The following CNTN1 variants were observed in gnomAD, a reference collection of about 807,000 sequenced individuals.
CNTN1 encodes contactin-1.
A neutral mutation model predicts 126.4 loss-of-function variants in CNTN1; 38 were observed. The ratio of observed to expected loss-of-function variants is 0.30; its 90% CI spans 0.23 to 0.39. The LOEUF is 0.39. Ranked by LOEUF, CNTN1 falls within the 10% of genes least tolerant of loss-of-function variation. CNTN1 has a pLI of 1.00. For synonymous variants in CNTN1, 413 were observed against 422.6 expected (o/e 0.98, Z 0.28); for missense variants, 1,009 against 1,248.4 (o/e 0.81, Z 2.89).
rs1555179744 is a variant in CNTN1 at position 40,917,063 on chromosome 12, G to GGTT, written c.95-1575_95-1574insTTG. On this transcript the variant is annotated intron_variant, in intron 3 of 23. Transcript: ENST00000551295. Reference sequence around the variant, plus strand: ...ATTCTTCATACCAGTGGTGGGGGCGGGGGGGGGGGCAGAACTAACTTGAGG... The same window carrying GGTT: ...ATTCTTCATACCAGTGGTGGGGGCGGGTTGGGGGGGGGCAGAACTAACTTGAGG... 3.2e-3 allele frequency among the ~76,000 whole-genome samples: 209 copies of GGTT among 65,576 alleles called. 1 individual carries two copies. The highest frequency in any genetic ancestry group is 7.5e-3 in the African/African-American group (201 of 26,844). The allele number at this position is 65,576 out of a possible 152,430, so 43.0% of individuals were successfully genotyped here.
chr12:40,905,387 C>G (rs7139018), intron 1 of CNTN1, among the ~76,000 whole-genome samples: 26,885 of 152,096 alleles, frequency 0.18, 3,951 homozygotes, highest in African/African-American at 0.41. Context: ...ACAGAAATTG[C>G]TCTTAATTCT....
At chr12:40,794,037 G>C (rs529957863) in intron 1 of CNTN1, among the ~76,000 whole-genome samples, 1 of 152,010 alleles carries the variant, frequency 6.6e-6, no homozygotes, top group South Asian at 2.1e-4. Flanking sequence ...ACAATTCAAG[G>C]TTTTACCCAG....
At chr12:41,020,306 C>T (rs2120778452) in intron 19 of CNTN1, 31 bp from the exon 20 acceptor site, 1 of 1,354,952 alleles carries the variant, frequency 7.4e-7, no homozygotes, top group Non-Finnish European at 1.1e-6. Flanking sequence ...AAATATCTCA[C>T]TAATAATATA....
chr12:40,939,822 G>A (rs887534693), intron 12 of CNTN1, among the ~76,000 whole-genome samples: 13 of 152,082 alleles, frequency 8.5e-5, no homozygotes, highest in African/African-American at 3.1e-4. Context: ...TTTTTCCCCA[G>A]TATAGGCATC....
At chr12:40,859,773 A>G (rs1388332137) in intron 1 of CNTN1, among the ~76,000 whole-genome samples, 1 of 152,128 alleles carries the variant, frequency 6.6e-6, no homozygotes, top group East Asian at 1.9e-4. Context: ...GATTATCTAT[A>G]TCCTGTCACT....
chr12:40,890,600 C>T (rs928729228), intron 1 of CNTN1, among the ~76,000 whole-genome samples: 2 of 152,016 alleles, frequency 1.3e-5, no homozygotes, highest in African/African-American at 2.4e-5. Context: ...TGAAATCATA[C>T]AGTATATAGT....
intron 5 of CNTN1, 107 bp downstream of exon 5, chr12:40,922,535 A>G: frequency 2.0e-6 from 2 of 994,688 alleles, no homozygotes; most frequent in Admixed American, 1.9e-5. Context: ...GATGAGGTGG[A>G]TCTTACAAGA....
intron 19 of CNTN1, among the ~76,000 whole-genome samples, chr12:41,017,712 C>T (rs1948812556): frequency 6.6e-6 from 1 of 152,118 alleles, no homozygotes; most frequent in Non-Finnish European, 1.5e-5. Context: ...AAATGATACA[C>T]AGTTTTAGAT....
chr12:40,929,528 G>A (rs1199751981), intron 6 of CNTN1, among the ~76,000 whole-genome samples: 2 of 151,836 alleles, frequency 1.3e-5, no homozygotes, highest in Non-Finnish European at 2.9e-5. Flanking sequence ...GTTTCACTTA[G>A]CCCATCAATG....
chr12:40,896,570 A>G (rs1485291992), intron 1 of CNTN1, among the ~76,000 whole-genome samples: 2 of 152,186 alleles, frequency 1.3e-5, no homozygotes, highest in Non-Finnish European at 2.9e-5. Flanking sequence ...TTCCTAGGAC[A>G]GTTTTATAGT....
intron 1 of CNTN1, among the ~76,000 whole-genome samples, chr12:40,696,439 T>C (rs1200904053): frequency 3.3e-5 from 5 of 152,280 alleles, no homozygotes; most frequent in Non-Finnish European, 7.3e-5. Flanking sequence ...ATGAGTCCAG[T>C]AGGCAAGTTA....
chr12:41,061,148 C>A (rs1432428408), intron 23 of CNTN1, among the ~76,000 whole-genome samples: 1 of 152,144 alleles, frequency 6.6e-6, no homozygotes, highest in Non-Finnish European at 1.5e-5. Flanking sequence ...AGTAGGTAAG[C>A]CAGTTTTAAA....
chr12:40,760,784 A>G (rs1938829613), intron 1 of CNTN1, among the ~76,000 whole-genome samples: 1 of 152,030 alleles, frequency 6.6e-6, no homozygotes, highest in Admixed American at 6.6e-5. Flanking sequence ...ATAGGTGACA[A>G]CTTCAAAAAA....
intron 15 of CNTN1, among the ~76,000 whole-genome samples, chr12:40,970,477 C>T (rs1361182669): frequency 6.6e-6 from 1 of 151,934 alleles, no homozygotes; most frequent in African/African-American, 2.4e-5. Flanking sequence ...GGCAAGTTTT[C>T]CTAGTTTCCG....
intron 17 of CNTN1, among the ~76,000 whole-genome samples, chr12:41,006,210 C>A (rs1184801559): frequency 6.6e-6 from 1 of 152,184 alleles, no homozygotes; most frequent in Non-Finnish European, 1.5e-5. Flanking sequence ...TCCTGGACTG[C>A]ATGCTATAAC....
intron 17 of CNTN1, among the ~76,000 whole-genome samples, chr12:40,997,439 A>G (rs1948246276): frequency 7.0e-6 from 1 of 142,122 alleles, no homozygotes; most frequent in Non-Finnish European, 1.6e-5. Flanking sequence ...TTCATTTAGT[A>G]TTCTTTCTCA....
intron 14 of CNTN1, among the ~76,000 whole-genome samples, chr12:40,950,548 A>G (rs1946636455): frequency 6.6e-6 from 1 of 152,166 alleles, no homozygotes; most frequent in African/African-American, 2.4e-5. Flanking sequence ...GTGACACACA[A>G]AACATACAAA....
intron 23 of CNTN1, among the ~76,000 whole-genome samples, chr12:41,062,849 CCTAA>C (rs1949965172): frequency 6.6e-6 from 1 of 152,058 alleles, no homozygotes; most frequent in Non-Finnish European, 1.5e-5. Context: ...AAAATAAATA[CCTAA>C]CTGATTTCCT....
At chr12:40,750,427 A>G (rs1295647596) in intron 1 of CNTN1, among the ~76,000 whole-genome samples, 1 of 152,116 alleles carries the variant, frequency 6.6e-6, no homozygotes, top group Non-Finnish European at 1.5e-5. Flanking sequence ...GCATGAATAC[A>G]GATGAAAGTT....
Sources: gnomAD v4.1 joint callset for allele counts (sites outside exome capture counted in the v4.1 genomes callset) on GRCh38, gnomAD v4.1.1 for gene constraint, MANE v1.5 for transcripts, NCBI Gene and HGNC (gene_info 2026-07-23, HGNC 2026-07-21) for gene names.